The following SLC10A2 variants were observed in gnomAD, a reference collection of about 807,000 sequenced individuals.
SLC10A2 encodes solute carrier family 10 member 2, also known as ileal sodium/bile acid cotransporter.
A neutral mutation model predicts 27.1 loss-of-function variants in SLC10A2; 34 were observed. The observed-to-expected ratio is 1.26, with a 90% CI of 0.96 to 1.67. The LOEUF (loss-of-function observed/expected upper bound fraction) is 1.67. SLC10A2 is among the 40% of genes most tolerant of loss of function. The pLI is 0.00. For synonymous variants in SLC10A2, 205 were observed against 174.0 expected (o/e 1.18, Z -1.40); for missense variants, 530 against 444.4 (o/e 1.19, Z -1.73).
intron 4 of SLC10A2, among the ~76,000 whole-genome samples, chr13:103,050,314 G>A (rs9554931): frequency 0.15 from 23,288 of 152,146 alleles, 2,009 homozygotes; most frequent in South Asian, 0.27. Flanking sequence ...AGGTCTGCCT[G>A]ACTCAAACAC....
At position 103,044,983 on chromosome 13, in the gene SLC10A2, C is replaced by T. The variant is rs1316882389; in HGVS notation, c.*1150G>A. 1 of 151,946 alleles carries T rather than the reference C, an allele frequency of 6.6e-6. No homozygotes were observed. Among genetic ancestry groups the T allele is most frequent in the Non-Finnish European group, 1.5e-5 (1 of 68,022 alleles). The allele number at this position is 151,946 out of a possible 1,614,324, so 9.4% of individuals were successfully genotyped here. The stretch of plus-strand genomic sequence containing the variant: ...AAACAACTTTCCTGGCTGGTGGGGC[C>T]CTTCTGACTTTTGGGCCCTGGGACA... On this transcript the variant is annotated 3_prime_UTR_variant, in exon 6 of 6. Coordinates refer to ENST00000245312, the MANE Select transcript of SLC10A2 (RefSeq NM_000452.3).
intron 2 of SLC10A2, among the ~76,000 whole-genome samples, chr13:103,053,421 AAG>A (rs1875848406): frequency 6.6e-6 from 1 of 152,174 alleles, no homozygotes; most frequent in Admixed American, 6.5e-5. Flanking sequence ...GGCCAGATAA[AAG>A]AGTCATACTT....
intron 1 of SLC10A2, among the ~76,000 whole-genome samples, chr13:103,059,776 G>C (rs575158423): frequency 3.3e-4 from 51 of 152,304 alleles, no homozygotes; most frequent in Non-Finnish European, 5.7e-4. Flanking sequence ...GCCTCCCTGG[G>C]CCCCTGGAAT....
At chr13:103,061,103 C>G (rs562875518) in intron 1 of SLC10A2, among the ~76,000 whole-genome samples, 69 of 152,246 alleles carry the variant, frequency 4.5e-4, no homozygotes, top group African/African-American at 1.7e-3. Context: ...TTTAGTAGAG[C>G]TAAAATATTA....
At position 103,049,449 on chromosome 13, in the gene SLC10A2, A is replaced by G. The variant is rs190734512; in HGVS notation, c.762-3T>C. 3.2e-4 allele frequency: 509 copies of G among 1,613,864 alleles called. No individual in the cohort carries two copies. The African/African-American group carries it at 6.2e-3, about 20-fold the overall frequency. Reference sequence around the variant, plus strand: ...TTTCAAAAGCAACCGTTCGGCACCTAAAGAAGATGTTAAGAGAGCACATGT... The same window carrying G: ...TTTCAAAAGCAACCGTTCGGCACCTGAAGAAGATGTTAAGAGAGCACATGT... On this transcript the variant is annotated splice_region_variant and splice_polypyrimidine_tract_variant and intron_variant, in intron 4 of 5. Coordinates refer to ENST00000245312, the MANE Select transcript of SLC10A2 (RefSeq NM_000452.3).
At chr13:103,060,655 C>T (rs1033453359) in intron 1 of SLC10A2, among the ~76,000 whole-genome samples, 1 of 151,990 alleles carries the variant, frequency 6.6e-6, no homozygotes, top group Non-Finnish European at 1.5e-5. Context: ...GGATTACAGG[C>T]GGGAGCCACC....
At chr13:103,054,759 C>T (rs279914) in intron 2 of SLC10A2, among the ~76,000 whole-genome samples, 64,200 of 151,742 alleles carry the variant, frequency 0.42, 14,084 homozygotes, top group African/African-American at 0.54. Context: ...GGGACTCTGT[C>T]TTTCTTTACA....
chr13:103,058,774 C>A (rs534543035), intron 1 of SLC10A2, among the ~76,000 whole-genome samples: 3 of 152,164 alleles, frequency 2.0e-5, no homozygotes, highest in Non-Finnish European at 2.9e-5. Flanking sequence ...CATGTTCCTG[C>A]AAAAGACTTG....
chr13:103,047,934 G>A (rs1445203160), intron 5 of SLC10A2, among the ~76,000 whole-genome samples: 3 of 152,010 alleles, frequency 2.0e-5, no homozygotes, highest in South Asian at 2.1e-4. Flanking sequence ...AGAAAACAAG[G>A]TAATTAGGCC....
At chr13:103,048,968 C>T (rs1875689298) in intron 5 of SLC10A2, among the ~76,000 whole-genome samples, 1 of 152,188 alleles carries the variant, frequency 6.6e-6, no homozygotes, top group Non-Finnish European at 1.5e-5. Context: ...TCCTGAGTTC[C>T]TGGGCGAATG....
chr13:103,064,206 C>T (rs1178179823), intron 1 of SLC10A2, among the ~76,000 whole-genome samples: 1 of 152,056 alleles, frequency 6.6e-6, no homozygotes, highest in Non-Finnish European at 1.5e-5. Flanking sequence ...ACGGATTTAG[C>T]TGGAGGTTTC....
chr13:103,055,945 G>A (rs565347690), intron 2 of SLC10A2, among the ~76,000 whole-genome samples: 2 of 152,198 alleles, frequency 1.3e-5, no homozygotes, highest in African/African-American at 4.8e-5. Flanking sequence ...CCTTTCACAA[G>A]CAACGTCCTC....
At chr13:103,062,138 G>A (rs1467754775) in intron 1 of SLC10A2, among the ~76,000 whole-genome samples, 1 of 152,234 alleles carries the variant, frequency 6.6e-6, no homozygotes, top group Non-Finnish European at 1.5e-5. Flanking sequence ...TGAAATCAGT[G>A]TTAAGCAATG....
At chr13:103,060,660 G>A (rs1298859115) in intron 1 of SLC10A2, among the ~76,000 whole-genome samples, 1 of 152,086 alleles carries the variant, frequency 6.6e-6, no homozygotes, top group Non-Finnish European at 1.5e-5. Flanking sequence ...ACAGGCGGGA[G>A]CCACCGCACC....
chr13:103,061,922 A>G (rs1223855552), intron 1 of SLC10A2, among the ~76,000 whole-genome samples: 3 of 152,208 alleles, frequency 2.0e-5, no homozygotes, highest in East Asian at 1.9e-4. Flanking sequence ...CTGAAGTTCT[A>G]TAAAAGGCAT....
rs1019871290 is a variant in SLC10A2, at chr13:103,046,333, A to G, written c.920-73T>C. On this transcript the variant is annotated intron_variant, in intron 5 of 5. Transcript: ENST00000245312. ...TGCAAAATTACTTTGCATAGAGATT[A>G]TAACCTATGATTCACATGGCAGATC... 11 of 1,235,818 alleles carry G rather than the reference A, an allele frequency of 8.9e-6. No individual in the cohort carries two copies. The African/African-American group carries it at 1.5e-4, about 17-fold the overall frequency. The allele number at this position is 1,235,818 out of a possible 1,614,324, so 76.6% of individuals were successfully genotyped here. A position where few individuals can be genotyped will look rare whatever the true frequency, so the allele number is the denominator to read the frequency against.
chr13:103,064,812 G>A (rs1377143913), intron 1 of SLC10A2, among the ~76,000 whole-genome samples: 1 of 151,922 alleles, frequency 6.6e-6, no homozygotes, highest in African/African-American at 2.4e-5. Flanking sequence ...TAAACCATAT[G>A]AAGGTATAGG....
chr13:103,052,526 C>A, intron 3 of SLC10A2, 94 bp downstream of exon 3: 1 of 899,286 alleles, frequency 1.1e-6, no homozygotes, highest in Non-Finnish European at 1.9e-6. Context: ...CAACAGTAAT[C>A]ATATAATGAG....
At chr13:103,047,513 T>C in intron 5 of SLC10A2, among the ~76,000 whole-genome samples, 1 of 149,554 alleles carries the variant, frequency 6.7e-6, no homozygotes, top group East Asian at 2.0e-4. Context: ...CTTCTCTCCC[T>C]GCCTTCCTCC....
Sources: gnomAD v4.1 joint callset for allele counts (sites outside exome capture counted in the v4.1 genomes callset) on GRCh38, gnomAD v4.1.1 for gene constraint, MANE v1.5 for transcripts, NCBI Gene and HGNC (gene_info 2026-07-23, HGNC 2026-07-21) for gene names.